Variants in NT5C3B observed in about 807,000 individuals in gnomAD.
NT5C3B encodes the protein 5'-nucleotidase, cytosolic IIIB, also known as 7-methylguanosine phosphate-specific 5'-nucleotidase.
NT5C3B carries 28 observed loss-of-function variants against 32.5 expected under a neutral mutation model. The ratio of observed to expected loss-of-function variants is 0.86; its 90% confidence interval spans 0.64 to 1.18. The LOEUF (loss-of-function observed/expected upper bound fraction) is 1.18. NT5C3B is among the 50% of genes most tolerant of loss of function. The pLI, the probability that NT5C3B is intolerant of heterozygous loss-of-function variation, is 0.00. For synonymous variants in NT5C3B, 138 were observed against 118.0 expected (o/e 1.17, Z -1.10); for missense variants, 317 against 322.0 (o/e 0.98, Z 0.12).
intron 4 of NT5C3B, among the ~76,000 whole-genome samples, chr17:41,833,538 G>A (rs1446575049): frequency 2.0e-5 from 3 of 151,934 alleles, no homozygotes; most frequent in Non-Finnish European, 4.4e-5. Context: ...GGCTGGTCTC[G>A]ATCTCCTGAC....
At position 41,835,243 on chromosome 17, in the gene NT5C3B, G is replaced by A. The variant is rs782717842; in HGVS notation, c.141C>T (p.Ser47=). 1 of 1,614,096 alleles carries A rather than the reference G, an allele frequency of 6.2e-7. No homozygotes were observed. The highest frequency in any genetic ancestry group is 1.1e-5 in the South Asian group (1 of 91,074). The change falls in exon 3 of 9, where the codon AGC becomes AGT. Residue 47 remains serine, a synonymous_variant. Transcript: ENST00000435506. ...ATCGCTTTCCATTATATGCAAACCT[G>A]CTCAAGGTCATGTCAAAATCAGAAA... The part of the protein sequence containing the change: ...QVISDFDMTL[S]RFAYNGKRCP...
Position 41,830,871 on chromosome 17 carries a change from G to A in NT5C3B, c.334C>T (p.Leu112Phe), listed in dbSNP as rs782075641. ...MVEWWTKAHN[L>F]LCQQKIQKFQ... is the part of the protein sequence containing the mutation. The stretch of plus-strand genomic sequence containing the variant: ...TTCTGAATCTTCTGCTGACATAGGA[G>A]ATTGTGTGCTTTGGTCCACCTAGAA... The change falls in exon 6 of 9, where the codon CTC becomes TTC. Residue 112 changes from leucine to phenylalanine, a missense_variant. Physicochemically the swap from Leu to Phe is conservative, Grantham distance 22. Transcript: ENST00000435506. 5.0e-6 allele frequency: 8 copies of A among 1,608,888 alleles called. No homozygotes were observed. The highest frequency in any genetic ancestry group is 1.7e-5 in the Admixed American group (1 of 58,612).
chr17:41,835,785 C>T, intron 2 of NT5C3B, 74 bp downstream of exon 2: 8 of 1,385,412 alleles, frequency 5.8e-6, no homozygotes, highest in Non-Finnish European at 8.0e-6. Flanking sequence ...CAGAGCAAAG[C>T]GGGAAGGCCC....
chr17:41,836,150 C>T, intron 1 of NT5C3B, 32 bp downstream of exon 1: 1 of 1,307,552 alleles, frequency 7.6e-7, no homozygotes, highest in Non-Finnish European at 9.7e-7. Flanking sequence ...AGTCCGGGCC[C>T]GCCCCACTCC....
At chr17:41,829,650 T>G (rs782118872) in intron 6 of NT5C3B, among the ~76,000 whole-genome samples, 14 of 152,172 alleles carry the variant, frequency 9.2e-5, no homozygotes, top group Non-Finnish European at 1.5e-4. Flanking sequence ...ATGTAATGAG[T>G]TTATCCTTTG....
intron 6 of NT5C3B, among the ~76,000 whole-genome samples, chr17:41,829,435 CTCAGT>C (rs1244020028): frequency 2.0e-5 from 3 of 152,242 alleles, no homozygotes; most frequent in African/African-American, 7.2e-5. Context: ...AAGTGCTCAG[CTCAGT>C]TAATTTTGAC....
rs1231802992 is a variant in NT5C3B, at chr17:41,825,226, T to A, written c.*297A>T. 5.9e-6 allele frequency: 2 copies of A among 341,314 alleles called. No individual in the cohort carries two copies. The highest frequency in any genetic ancestry group is 4.1e-5 in the African/African-American group (2 of 48,274). 21.1% of individuals were successfully genotyped at this position (341,314 alleles called of 1,614,324 possible). A position where few individuals can be genotyped will look rare whatever the true frequency, so the allele number is the denominator to read the frequency against. On this transcript the variant is annotated 3_prime_UTR_variant, in exon 9 of 9. Transcript: ENST00000435506. Reference sequence around the variant, plus strand: ...TTTGATCTGTTTCACACATTATATTTGTTTGAACTTCCCATGTTTAAAAAT... The same window carrying A: ...TTTGATCTGTTTCACACATTATATTAGTTTGAACTTCCCATGTTTAAAAAT...
chr17:41,827,494 C>T lies in NT5C3B; in HGVS notation c.700G>A (p.Asp234Asn). 1 of 872,952 alleles carries T rather than the reference C, an allele frequency of 1.1e-6. No homozygotes were observed. The allele number at this position is 872,952 out of a possible 1,614,324, so 54.1% of individuals were successfully genotyped here. A position where few individuals can be genotyped will look rare whatever the true frequency, so the allele number is the denominator to read the frequency against. Residue 234 changes from aspartate (D) to asparagine (N), a missense_variant, in exon 8 of 9, where the codon GAC becomes AAC. Coordinates refer to ENST00000435506, the MANE Select transcript of NT5C3B (RefSeq NM_052935.5). Reference protein sequence around the residue: ...NVILLGDSIGDLTMADGVPGV... With the variant: ...NVILLGDSIGNLTMADGVPGV... Reference sequence around the variant, plus strand: ...GGAACCCCATCGGCCATGGTGAGGTCCCCGATAGAGTCTCCCAGCAGGATG... The same window carrying T: ...GGAACCCCATCGGCCATGGTGAGGTTCCCGATAGAGTCTCCCAGCAGGATG...
At chr17:41,830,726 T>C in intron 6 of NT5C3B, 75 bp downstream of exon 6, 1 of 1,084,950 alleles carries the variant, frequency 9.2e-7, no homozygotes. Flanking sequence ...CTCTCTACTC[T>C]TCCCCCGCCT....
chr17:41,835,485 T>C, intron 2 of NT5C3B: 1 of 653,046 alleles, frequency 1.5e-6, no homozygotes, highest in Non-Finnish European at 2.8e-6. Flanking sequence ...TCTCCTAGTG[T>C]GGGGGCAAGG....
At chr17:41,830,732 C>T (rs1487875215) in intron 6 of NT5C3B, 69 bp downstream of exon 6, 15 of 1,150,486 alleles carry the variant, frequency 1.3e-5, no homozygotes, top group Non-Finnish European at 1.7e-5. Flanking sequence ...ACTCTTCCCC[C>T]GCCTCCTTTT....
chr17:41,835,764 G>A, intron 2 of NT5C3B, 95 bp downstream of exon 2: 1 of 1,236,126 alleles, frequency 8.1e-7, no homozygotes, highest in Non-Finnish European at 1.2e-6. Flanking sequence ...AGAGCTAGGA[G>A]GGGTCCGCGG....
chr17:41,836,148 C>T (rs2048154464), intron 1 of NT5C3B, 34 bp downstream of exon 1: 1 of 1,312,432 alleles, frequency 7.6e-7, no homozygotes, highest in Non-Finnish European at 9.7e-7. Flanking sequence ...GGAGTCCGGG[C>T]CCGCCCCACT....
At position 41,825,606 on chromosome 17, in the gene NT5C3B, T is replaced by C. The variant is rs2144081944; in HGVS notation, c.820A>G (p.Lys274Glu). ...TTGACCACATCCAGAGTCTCGTCCTTCTCCAGCACGATGTCATAGGAGTCC... is the reference window on the plus strand; with the variant it reads ...TTGACCACATCCAGAGTCTCGTCCTCCTCCAGCACGATGTCATAGGAGTCC... ...YMDSYDIVLE[K>E]DETLDVVNGL... Residue 274 changes from lysine (K) to glutamate (E), a missense_variant, in exon 9 of 9, where the codon AAG becomes GAG. By Grantham distance (56) the Lys-to-Glu change is moderately conservative. Transcript: ENST00000435506. 2.3e-6 allele frequency: 2 copies of C among 872,764 alleles called. No individual in the cohort carries two copies. The highest frequency in any genetic ancestry group is 4.8e-5 in the East Asian group (2 of 41,690). The allele number at this position is 872,764 out of a possible 1,614,324, so 54.1% of individuals were successfully genotyped here. A position where few individuals can be genotyped will look rare whatever the true frequency, so the allele number is the denominator to read the frequency against.
In NT5C3B at chr17:41,828,964, T is replaced by TG. The variant is rs1471025381; in HGVS notation, c.405-13dup. ...TCTTATATCCCTCCCTGAAAAGAGA[T>TG]GGAGGAATTCTGAAATGGCACTGCC... On this transcript the variant is annotated splice_polypyrimidine_tract_variant and intron_variant, in intron 6 of 8. Transcript: ENST00000435506. 1.2e-6 allele frequency: 2 copies of TG among 1,600,298 alleles called. No individual in the cohort carries two copies. Among genetic ancestry groups the TG allele is most frequent in the African/African-American group, 2.7e-5 (2 of 74,692 alleles).
chr17:41,827,293 C>T (rs762052744), intron 8 of NT5C3B, 133 bp downstream of exon 8: 7 of 395,950 alleles, frequency 1.8e-5, no homozygotes, highest in South Asian at 7.9e-5. Flanking sequence ...AGTGAGACCC[C>T]GTCTCAAAAA....
intron 4 of NT5C3B, among the ~76,000 whole-genome samples, chr17:41,833,964 C>CA (rs1464218059): frequency 2.6e-5 from 4 of 152,142 alleles, no homozygotes; most frequent in African/African-American, 9.7e-5. Flanking sequence ...TTCTCAGGAA[C>CA]ATTACAAGAT....
chr17:41,833,943 T>C (rs547896783), intron 4 of NT5C3B, among the ~76,000 whole-genome samples: 1 of 152,320 alleles, frequency 6.6e-6, no homozygotes, highest in South Asian at 2.1e-4. Flanking sequence ...AGAATTTTAA[T>C]ACATGCATGA....
rs782186276 is a variant in NT5C3B at position 41,832,411 on chromosome 17, G to A, written c.295C>T (p.Leu99=). 2.7e-5 allele frequency: 43 copies of A among 1,613,614 alleles called. 1 individual carries two copies. In the South Asian group the frequency reaches 3.0e-4, roughly 11 times the overall value. ...IDPHRTVKEK[L]PHMVEWWTKA... ...ACTCACCATTCCACCATATGAGGTA[G>A]CTTCTCCTTGACGGTCCGGTGTGGG... Residue 99 remains leucine, a synonymous_variant, in exon 5 of 9, where the codon CTA becomes TTA. Coordinates refer to ENST00000435506, the MANE Select transcript of NT5C3B (RefSeq NM_052935.5).
Sources: gnomAD v4.1 joint callset for allele counts (sites outside exome capture counted in the v4.1 genomes callset) on GRCh38, gnomAD v4.1.1 for gene constraint, MANE v1.5 for transcripts, NCBI Gene and HGNC (gene_info 2026-07-23, HGNC 2026-07-21) for gene names.